TNFSF12: variants seen among roughly 807,000 people sequenced by gnomAD.
The protein encoded by TNFSF12 is tumor necrosis factor ligand superfamily member 12.
Under a neutral mutation model 31.2 loss-of-function variants are expected in TNFSF12, and 16 were observed. The observed-to-expected ratio is 0.51, with a 90% CI of 0.35 to 0.78. TNFSF12 has a LOEUF of 0.78. Ranked by LOEUF, TNFSF12 falls within the 30% of genes least tolerant of loss-of-function variation. The probability of loss-of-function intolerance (pLI) is 0.01; values close to 1 mark genes in which losing one functional copy is unlikely to be tolerated. For synonymous variants in TNFSF12, 150 were observed against 151.4 expected (o/e 0.99, Z 0.07); for missense variants, 324 against 338.8 (o/e 0.96, Z 0.34).
chr17:7,557,809 T>C lies in TNFSF12; in HGVS notation c.*459T>C, dbSNP rs2071094104. On this transcript the variant is annotated 3_prime_UTR_variant, in exon 7 of 7. Transcript: ENST00000293825. The surrounding 1 kb of genome is among the most constrained non-coding windows in gnomAD (Gnocchi z 5.2). ...ACAAGCTCCTCCCTTGAGAATTCCCTGTGGATTTTTAAAACAGATATTATT... is the reference window on the plus strand; with the variant it reads ...ACAAGCTCCTCCCTTGAGAATTCCCCGTGGATTTTTAAAACAGATATTATT... The C allele has an allele frequency of 6.1e-6, 1 of 164,178 alleles. No homozygotes were observed. Among genetic ancestry groups the C allele is most frequent in the Non-Finnish European group, 1.3e-5 (1 of 76,138 alleles). 10.2% of individuals were successfully genotyped at this position (164,178 alleles called of 1,614,324 possible). A position where few individuals can be genotyped will look rare whatever the true frequency, so the allele number is the denominator to read the frequency against.
In TNFSF12 at chr17:7,550,920, C is replaced by T. The variant is rs1282878750; in HGVS notation, c.338-23C>T. On this transcript the variant is annotated intron_variant, in intron 4 of 6. Transcript: ENST00000293825. This position sits in a 1 kb window ranked among gnomAD's most constrained non-coding sequence, Gnocchi z 4.4. ...GGCAGAGGGTCAGGGCAGGTCTCACCAGCCTTTTCCTGTACTTTACAGTTC... is the reference window on the plus strand; with the variant it reads ...GGCAGAGGGTCAGGGCAGGTCTCACTAGCCTTTTCCTGTACTTTACAGTTC... 6 of 1,614,018 alleles carry T rather than the reference C, an allele frequency of 3.7e-6. No individual in the cohort carries two copies. Among genetic ancestry groups the T allele is most frequent in the African/African-American group, 1.3e-5 (1 of 74,928 alleles).
At chr17:7,554,001 G>A (rs1158883556) in intron 5 of TNFSF12, among the ~76,000 whole-genome samples, 2 of 152,162 alleles carry the variant, frequency 1.3e-5, no homozygotes, top group African/African-American at 2.4e-5. Context: ...CAGGCAGGAC[G>A]GAATGTCCAG....
chr17:7,550,781 T>C lies in TNFSF12; in HGVS notation c.284-18T>C, dbSNP rs757253503. The C allele has an allele frequency of 1.2e-6, 2 of 1,606,730 alleles. No individual in the cohort carries two copies. Among genetic ancestry groups the C allele is most frequent in the Non-Finnish European group, 1.7e-6 (2 of 1,173,984 alleles). ...CACTAGGGCCCGCTTTGCTCATCTG[T>C]CTTTCCTTGATCCTCAGCACCTAAA... On this transcript the variant is annotated intron_variant, in intron 3 of 6. Coordinates refer to ENST00000293825, the MANE Select transcript of TNFSF12 (RefSeq NM_003809.3). This position sits in a 1 kb window ranked among gnomAD's most constrained non-coding sequence, Gnocchi z 4.4.
Position 7,550,057 on chromosome 17 carries a change from C to A in TNFSF12, c.208-63C>A, listed in dbSNP as rs1215588475. On this transcript the variant is annotated intron_variant, in intron 2 of 6. Coordinates refer to ENST00000293825, the MANE Select transcript of TNFSF12 (RefSeq NM_003809.3). The surrounding 1 kb of genome is among the most constrained non-coding windows in gnomAD (Gnocchi z 4.4). Reference sequence around the variant, plus strand: ...GCTGGCTGGTGGCTCTCCTGACAGGCCCCGTATGTCTCACTTTATATCTCT... The same window carrying A: ...GCTGGCTGGTGGCTCTCCTGACAGGACCCGTATGTCTCACTTTATATCTCT... The A allele has an allele frequency of 1.2e-6, 2 of 1,612,120 alleles. No homozygotes were observed. The highest frequency in any genetic ancestry group is 1.7e-6 in the Non-Finnish European group (2 of 1,178,596).
intron 5 of TNFSF12, among the ~76,000 whole-genome samples, chr17:7,555,458 C>T (rs1445310672): frequency 6.6e-6 from 1 of 152,162 alleles, no homozygotes; most frequent in Admixed American, 6.5e-5. Context: ...GGGGATGAGG[C>T]TGGAGACAGA....
At chr17:7,556,679 A>C in intron 5 of TNFSF12, 99 bp from the exon 6 acceptor site, 1 of 1,343,306 alleles carries the variant, frequency 7.4e-7, no homozygotes, top group Non-Finnish European at 9.6e-7. Flanking sequence ...TCTTCTGGGT[A>C]AAGTGGGCGC....
At position 7,557,496 on chromosome 17, in the gene TNFSF12, GT is replaced by G; in HGVS notation, c.*150del. Reference sequence around the variant, plus strand: ...AGAGGCTGCCTGGGCCTGTTCACGTGTTTTCCATCCCACATAAATACAGTAT... The same window carrying G: ...AGAGGCTGCCTGGGCCTGTTCACGTGTTTCCATCCCACATAAATACAGTAT... On this transcript the variant is annotated 3_prime_UTR_variant, in exon 7 of 7. Coordinates refer to ENST00000293825, the MANE Select transcript of TNFSF12 (RefSeq NM_003809.3). This position sits in a 1 kb window ranked among gnomAD's most constrained non-coding sequence, Gnocchi z 5.2. The G allele has an allele frequency of 8.9e-7, 1 of 1,128,272 alleles. No homozygotes were observed. The highest frequency in any genetic ancestry group is 1.2e-6 in the Non-Finnish European group (1 of 821,470). The allele number at this position is 1,128,272 out of a possible 1,614,324, so 69.9% of individuals were successfully genotyped here. A position where few individuals can be genotyped will look rare whatever the true frequency, so the allele number is the denominator to read the frequency against.
chr17:7,552,906 C>T lies in TNFSF12; in HGVS notation c.373+1928C>T, dbSNP rs79086815. 5.7e-3 allele frequency among the ~76,000 whole-genome samples: 865 copies of T among 151,546 alleles called. 3 individuals are homozygous for T. The highest frequency in any genetic ancestry group is 0.027 in the Middle Eastern group (8 of 294). On this transcript the variant is annotated intron_variant, in intron 5 of 6. Coordinates refer to ENST00000293825, the MANE Select transcript of TNFSF12 (RefSeq NM_003809.3). ...GAGAAATGATGGCTGGGTTTGGTAA[C>T]GTGAAAGTCCTGCTGACCTTAAAGA... is the stretch of plus-strand genomic sequence containing the variant.
Position 7,557,110 on chromosome 17 carries a change from T to C in TNFSF12, c.510T>C (p.Asp170=). The C allele has an allele frequency of 1.9e-6, 3 of 1,611,602 alleles. No homozygotes were observed. Among genetic ancestry groups the C allele is most frequent in the Non-Finnish European group, 1.7e-6 (2 of 1,178,356 alleles). Residue 170 remains aspartate, a synonymous_variant, in exon 7 of 7, where the codon GAT becomes GAC. Coordinates refer to ENST00000293825, the MANE Select transcript of TNFSF12 (RefSeq NM_003809.3). The surrounding 1 kb of genome is among the most constrained non-coding windows in gnomAD (Gnocchi z 5.2). ...LYYLYCQVHF[D]EGKAVYLKLD... is the part of the protein sequence containing the mutation. ...TGTCCCCACCCCAGGTGCACTTTGA[T>C]GAGGGGAAGGCTGTCTACCTGAAGC...
At chr17:7,551,485 A>C (rs1251846992) in intron 5 of TNFSF12, among the ~76,000 whole-genome samples, 1 of 151,890 alleles carries the variant, frequency 6.6e-6, no homozygotes, top group Non-Finnish European at 1.5e-5. Flanking sequence ...GGCTCTCTAC[A>C]TGGCTTCCAG....
rs1567720386 is a variant in TNFSF12 at position 7,550,890 on chromosome 17, C to G, written c.337+38C>G. The G allele has an allele frequency of 3.7e-6, 6 of 1,613,830 alleles. No individual in the cohort carries two copies. The highest frequency in any genetic ancestry group is 5.1e-6 in the Non-Finnish European group (6 of 1,179,822). ...TGAGCCATACCCAGGAGGAGAGGGGCAGGTGGCAGAGGGTCAGGGCAGGTC... is the reference window on the plus strand; with the variant it reads ...TGAGCCATACCCAGGAGGAGAGGGGGAGGTGGCAGAGGGTCAGGGCAGGTC... On this transcript the variant is annotated intron_variant, in intron 4 of 6. Coordinates refer to ENST00000293825, the MANE Select transcript of TNFSF12 (RefSeq NM_003809.3). This position sits in a 1 kb window ranked among gnomAD's most constrained non-coding sequence, Gnocchi z 4.4.
chr17:7,549,906 G>A lies in TNFSF12; in HGVS notation c.208-214G>A. 1 of 662,106 alleles carries A rather than the reference G, an allele frequency of 1.5e-6. No individual in the cohort carries two copies. The highest frequency in any genetic ancestry group is 2.6e-6 in the Non-Finnish European group (1 of 389,982). 41.0% of individuals were successfully genotyped at this position (662,106 alleles called of 1,614,324 possible). ...GTCTGCGTTGGTTGTGTGTGTGGGT[G>A]GGAAAGTGTAGCTGGTCTAGAGGAA... On this transcript the variant is annotated intron_variant, in intron 2 of 6. Transcript: ENST00000293825. The surrounding 1 kb of genome is among the most constrained non-coding windows in gnomAD (Gnocchi z 4.1).
chr17:7,555,982 G>GGT, intron 5 of TNFSF12, among the ~76,000 whole-genome samples: 1 of 117,764 alleles, frequency 8.5e-6, no homozygotes, highest in South Asian at 2.6e-4. Flanking sequence ...CGTTTTTTTT[G>GGT]TTTTTTTTTT....
At chr17:7,553,766 A>G (rs1006588077) in intron 5 of TNFSF12, 2 of 1,219,986 alleles carry the variant, frequency 1.6e-6, no homozygotes, top group Non-Finnish European at 2.1e-6. Flanking sequence ...AAGTTTCCAG[A>G]AAGAAGAGAG....
rs1363429844 is a variant in TNFSF12 at position 7,557,257 on chromosome 17, G to A, written c.657G>A (p.Arg219=). ...AGGTGTCTGGGCTGTTGGCCCTGCG[G>A]CCAGGGTCCTCCCTGCGGATCCGCA... ...LCQVSGLLAL[R]PGSSLRIRTL... is the part of the protein sequence containing the mutation. Residue 219 remains arginine (R), a synonymous_variant, in exon 7 of 7, where the codon CGG becomes CGA. Coordinates refer to ENST00000293825, the MANE Select transcript of TNFSF12 (RefSeq NM_003809.3). The surrounding 1 kb of genome is among the most constrained non-coding windows in gnomAD (Gnocchi z 5.2). 7 of 1,613,764 alleles carry A rather than the reference G, an allele frequency of 4.3e-6. No individual in the cohort carries two copies. Among genetic ancestry groups the A allele is most frequent in the Non-Finnish European group, 5.9e-6 (7 of 1,179,988 alleles).
At chr17:7,553,623 C>T (rs2071025622) in intron 5 of TNFSF12, 6 of 1,303,300 alleles carry the variant, frequency 4.6e-6, no homozygotes, top group African/African-American at 1.5e-5. Flanking sequence ...CCATGAGATA[C>T]TAAGTGGTGG....
rs115387034 is a variant in TNFSF12, at chr17:7,550,764, C to T, written c.284-35C>T. 3,444 of 1,596,256 alleles carry T rather than the reference C, an allele frequency of 2.2e-3. 72 individuals carry two copies. In the African/African-American group the frequency reaches 0.04, roughly 18 times the overall value. On this transcript the variant is annotated intron_variant, in intron 3 of 6. Transcript: ENST00000293825. The surrounding 1 kb of genome is among the most constrained non-coding windows in gnomAD (Gnocchi z 4.4). Reference sequence around the variant, plus strand: ...AGTTGCTCTGGGACCCCCACTAGGGCCCGCTTTGCTCATCTGTCTTTCCTT... The same window carrying T: ...AGTTGCTCTGGGACCCCCACTAGGGTCCGCTTTGCTCATCTGTCTTTCCTT...
intron 5 of TNFSF12, among the ~76,000 whole-genome samples, chr17:7,553,023 CTT>C (rs71159509): frequency 6.1e-5 from 4 of 66,054 alleles, no homozygotes; most frequent in East Asian, 4.0e-4. Context: ...CAGGGACAAC[CTT>C]TTTTTTTTTT....
Position 7,549,973 on chromosome 17 carries a change from C to T in TNFSF12, c.208-147C>T, listed in dbSNP as rs1176247633. The T allele has an allele frequency of 2.1e-5, 27 of 1,287,222 alleles. No individual in the cohort carries two copies. Among genetic ancestry groups the T allele is most frequent in the East Asian group, 7.0e-5 (3 of 42,734 alleles). The allele number at this position is 1,287,222 out of a possible 1,614,324, so 79.7% of individuals were successfully genotyped here. A position where few individuals can be genotyped will look rare whatever the true frequency, so the allele number is the denominator to read the frequency against. The stretch of plus-strand genomic sequence containing the variant: ...CCTGACTCCCAGCTTCACCTTTGCC[C>T]GGGGCCCCAGCTGTAGTTGGCTGAG... On this transcript the variant is annotated intron_variant, in intron 2 of 6. Transcript: ENST00000293825. This position sits in a 1 kb window ranked among gnomAD's most constrained non-coding sequence, Gnocchi z 4.1.
Sources: gnomAD v4.1 joint callset for allele counts (sites outside exome capture counted in the v4.1 genomes callset) on GRCh38, gnomAD v4.1.1 for gene constraint, Gnocchi (gnomAD v3.1) non-coding constraint, MANE v1.5 for transcripts, NCBI Gene and HGNC (gene_info 2026-07-23, HGNC 2026-07-21) for gene names.